Variants in NTNG1 observed in about 807,000 individuals in gnomAD.
NTNG1 encodes netrin-G1.
NTNG1 carries 16 observed loss-of-function variants against 54.0 expected under a neutral mutation model. That is an observed-to-expected ratio of 0.30 (90% CI 0.20 to 0.45). The LOEUF (loss-of-function observed/expected upper bound fraction) is 0.45. Ranked by LOEUF, NTNG1 falls within the 20% of genes least tolerant of loss-of-function variation. NTNG1 has a pLI of 1.00. For missense variants in NTNG1, 530 were observed against 678.7 expected (o/e 0.78, Z 2.43); for synonymous variants, 255 against 263.1 (o/e 0.97, Z 0.30).
At chr1:107,399,821 C>G (rs1672903330) in intron 4 of NTNG1, among the ~76,000 whole-genome samples, 1 of 152,156 alleles carries the variant, frequency 6.6e-6, no homozygotes, top group Non-Finnish European at 1.5e-5. Flanking sequence ...ATGACTTTCT[C>G]TGTCCTCCAC....
At chr1:107,389,370 C>A (rs1324692126) in intron 3 of NTNG1, among the ~76,000 whole-genome samples, 8 of 152,090 alleles carry the variant, frequency 5.3e-5, no homozygotes. Flanking sequence ...CTCGAGCTCA[C>A]AGGAAATTCT....
At chr1:107,297,216 C>G (rs923896014) in intron 2 of NTNG1, among the ~76,000 whole-genome samples, 1 of 15,492 alleles carries the variant, frequency 6.5e-5, no homozygotes, top group East Asian at 2.2e-3. Context: ...TATATACCAT[C>G]ATATATATAT....
At chr1:107,289,227 G>T (rs1665415537) in intron 2 of NTNG1, among the ~76,000 whole-genome samples, 1 of 152,054 alleles carries the variant, frequency 6.6e-6, no homozygotes, top group African/African-American at 2.4e-5. Flanking sequence ...CACCTGCTAT[G>T]CTGGATTTCT....
chr1:107,197,078 G>A (rs1658395322), intron 2 of NTNG1, among the ~76,000 whole-genome samples: 1 of 152,014 alleles, frequency 6.6e-6, no homozygotes, highest in South Asian at 2.1e-4. Context: ...AAAGTTTAGT[G>A]TAAAACTATT....
chr1:107,472,742 TG>T (rs1305075715), intron 7 of NTNG1, among the ~76,000 whole-genome samples: 1 of 152,154 alleles, frequency 6.6e-6, no homozygotes, highest in Non-Finnish European at 1.5e-5. Flanking sequence ...TGTTTTGTTT[TG>T]TTTTTTTGTG....
Position 107,178,210 on chromosome 1 carries a change from A to G in NTNG1, c.246+29371A>G, listed in dbSNP as rs78027889. Among the ~76,000 whole-genome samples the G allele has an allele frequency of 1.8e-3, 276 of 152,250 alleles. 3 individuals are homozygous for G. Among genetic ancestry groups the G allele is most frequent in the African/African-American group, 6.1e-3 (255 of 41,562 alleles). ...ATATTACATCAAGTTTAGATCTATAATTTTATTTTATTTTGCATAGGTCCA... is the reference window on the plus strand; with the variant it reads ...ATATTACATCAAGTTTAGATCTATAGTTTTATTTTATTTTGCATAGGTCCA... On this transcript the variant is annotated intron_variant, in intron 2 of 7. Coordinates refer to ENST00000370068, the MANE Select transcript of NTNG1 (RefSeq NM_001113226.3).
intron 2 of NTNG1, among the ~76,000 whole-genome samples, chr1:107,273,124 A>G (rs959679541): frequency 1.5e-4 from 23 of 152,150 alleles, no homozygotes; most frequent in African/African-American, 5.3e-4. Flanking sequence ...TTGTTTTTGA[A>G]CAGTATCAGG....
intron 2 of NTNG1, among the ~76,000 whole-genome samples, chr1:107,316,769 T>C (rs1318703823): frequency 6.6e-6 from 1 of 152,230 alleles, no homozygotes; most frequent in African/African-American, 2.4e-5. Flanking sequence ...GATTGTTGCC[T>C]GTATATATCT....
At position 107,267,915 on chromosome 1, in the gene NTNG1, CCAGA is replaced by C. The variant is rs778408623; in HGVS notation, c.247-56363_247-56360del. ...ACTTTCCACAAATTCTCAGCACACA[CCAGA>C]CAGTCTTCTTGCATTCAAACTCTGC... On this transcript the variant is annotated intron_variant, in intron 2 of 7. Transcript: ENST00000370068. Among the ~76,000 whole-genome samples the C allele has an allele frequency of 3.0e-4, 45 of 152,322 alleles. 1 individual carries two copies. Among genetic ancestry groups the C allele is most frequent in the Middle Eastern group, 3.4e-3 (1 of 294 alleles).
chr1:107,281,950 G>C (rs1664890568), intron 2 of NTNG1, among the ~76,000 whole-genome samples: 1 of 152,146 alleles, frequency 6.6e-6, no homozygotes, highest in East Asian at 1.9e-4. Context: ...CTAGTCCTCA[G>C]TTCACATCTT....
At chr1:107,441,661 AAGTCTCTTTTGCCAAGTG>A (rs1675974773) in intron 7 of NTNG1, among the ~76,000 whole-genome samples, 1 of 152,042 alleles carries the variant, frequency 6.6e-6, no homozygotes, top group Non-Finnish European at 1.5e-5. Flanking sequence ...CACATCTATA[AAGTCTCTTTTGCCAAGTG>A]AGGTAAGAGG....
rs140060071 is a variant in NTNG1, at chr1:107,380,136, G to A, written c.888-15018G>A. On this transcript the variant is annotated intron_variant, in intron 3 of 7. Transcript: ENST00000370068. ...GGGGAGGCCACAGGAAAATTTGAAA[G>A]GCAATGATGCTACCCACTTTTTATT... Among the ~76,000 whole-genome samples, 308 of 152,288 alleles carry A rather than the reference G, an allele frequency of 2.0e-3. 1 individual carries two copies. The highest frequency in any genetic ancestry group is 7.1e-3 in the African/African-American group (297 of 41,556).
chr1:107,430,597 A>T, intron 5 of NTNG1, 153 bp from the exon 6 acceptor site: 1 of 818,010 alleles, frequency 1.2e-6, no homozygotes, highest in Non-Finnish European at 2.1e-6. Flanking sequence ...TGCCAGTCAC[A>T]ACCACCTGTT....
chr1:107,240,276 T>TTA (rs960274602), intron 2 of NTNG1, among the ~76,000 whole-genome samples: 11 of 128,582 alleles, frequency 8.6e-5, no homozygotes, highest in Admixed American at 1.5e-4. Flanking sequence ...AATATCCTTA[T>TTA]TTTTTTTTTT....
intron 2 of NTNG1, among the ~76,000 whole-genome samples, chr1:107,305,887 T>C (rs1463917105): frequency 6.6e-6 from 1 of 152,184 alleles, no homozygotes; most frequent in Non-Finnish European, 1.5e-5. Context: ...TGATTATTTT[T>C]CATGCCTCCT....
chr1:107,391,997 C>T (rs1488010338), intron 3 of NTNG1, among the ~76,000 whole-genome samples: 2 of 152,066 alleles, frequency 1.3e-5, no homozygotes, highest in Non-Finnish European at 2.9e-5. Flanking sequence ...TCATTCTTGC[C>T]TAACTGGGTG....
chr1:107,439,275 TGC>T (rs1261959079), intron 7 of NTNG1, among the ~76,000 whole-genome samples: 1 of 94,852 alleles, frequency 1.1e-5, no homozygotes, highest in South Asian at 4.8e-4. Flanking sequence ...TTCCAGAACT[TGC>T]GTGTGTGTGT....
At chr1:107,269,014 A>G (rs1663950200) in intron 2 of NTNG1, among the ~76,000 whole-genome samples, 2 of 152,120 alleles carry the variant, frequency 1.3e-5, no homozygotes, top group Non-Finnish European at 2.9e-5. Flanking sequence ...TCAAGATGGC[A>G]TTCAGTACAA....
At chr1:107,233,459 T>C (rs1661198848) in intron 2 of NTNG1, among the ~76,000 whole-genome samples, 1 of 152,190 alleles carries the variant, frequency 6.6e-6, no homozygotes, top group Admixed American at 6.5e-5. Flanking sequence ...AGAAATGCAA[T>C]GTGTACAATT....
Sources: allele counts gnomAD v4.1 joint callset (sites outside exome capture counted in the v4.1 genomes callset), GRCh38; gene constraint gnomAD v4.1.1; transcripts MANE v1.5; gene names NCBI Gene and HGNC (gene_info 2026-07-23, HGNC 2026-07-21).